The following LRPPRC variants were observed in gnomAD, a reference collection of about 807,000 sequenced individuals.
LRPPRC encodes leucine rich pentatricopeptide repeat containing.
LRPPRC carries 120 observed loss-of-function variants against 180.3 expected under a neutral mutation model. The observed-to-expected ratio is 0.67, with a 90% confidence interval of 0.57 to 0.77. The LOEUF is 0.77. Among genes scored for constraint, LRPPRC ranks in the 30% least tolerant of loss-of-function variants. The probability of loss-of-function intolerance (pLI) is 0.00; values close to 1 mark genes in which losing one functional copy is unlikely to be tolerated. For synonymous variants in LRPPRC, 723 were observed against 600.0 expected, an observed-to-expected ratio of 1.21 and a Z score of -3.00; for missense variants, 2,012 against 1,657.2, an observed-to-expected ratio of 1.21 and a Z score of -3.72.
chr2:43,938,879 C>G (rs950896097), intron 23 of LRPPRC, among the ~76,000 whole-genome samples: 2 of 148,144 alleles, frequency 1.4e-5, no homozygotes, highest in Non-Finnish European at 3.0e-5. Context: ...TTAAAACAAC[C>G]ACGAGTGACA....
At position 43,963,706 on chromosome 2, in the gene LRPPRC, C is replaced by A. The variant is rs1020708693; in HGVS notation, c.1370G>T (p.Gly457Val). The A allele has an allele frequency of 6.2e-6, 9 of 1,442,196 alleles. No individual in the cohort carries two copies. Among genetic ancestry groups the A allele is most frequent in the Middle Eastern group, 1.7e-4 (1 of 5,766 alleles). The allele number at this position is 1,442,196 out of a possible 1,614,324, so 89.3% of individuals were successfully genotyped here. The change falls in exon 12 of 38, where the codon GGT (glycine) becomes GTT (valine). Residue 457 changes from glycine (G) to valine (V), a missense_variant and splice_region_variant. Gly to Val is a moderately radical substitution (Grantham distance 109, BLOSUM62 -3). Transcript: ENST00000260665. ...CATTCCTTTGAGGATTTCAATTATA[C>A]CTACCAAATAAAATGTAGAAGCACA... ...VGRRKEKNVQ[G>V]IIEILKGMQE...
rs150044060 is a variant in LRPPRC at position 43,974,219 on chromosome 2, G to A, written c.1086C>T (p.Pro362=). The A allele has an allele frequency of 1.2e-5, 19 of 1,610,562 alleles. No homozygotes were observed. The highest frequency in any genetic ancestry group is 1.6e-4 in the Middle Eastern group (1 of 6,078). ...DVALQILLAC[P]VSKEDGPSVF... ...CACTTGGGCCATCTTCCTTTGATAC[G>A]GGGCATGCTAGTAAAATTTGCAACG... The change falls in exon 9 of 38, where the codon CCC becomes CCT. Residue 362 remains proline, a synonymous_variant. Coordinates refer to ENST00000260665, the MANE Select transcript of LRPPRC (RefSeq NM_133259.4).
rs1288066344 is a variant in LRPPRC, at chr2:43,886,351, T to C, written c.*2249A>G. Among the ~76,000 whole-genome samples, 1 of 152,206 alleles carries C rather than the reference T, an allele frequency of 6.6e-6. No individual in the cohort carries two copies. Among genetic ancestry groups the C allele is most frequent in the Non-Finnish European group, 1.5e-5 (1 of 68,046 alleles). ...TTTACAGTGACATCTTTTTTAGAAT[T>C]AGCTGCTTATAATTTGAGTGTAAAT... On this transcript the variant is annotated 3_prime_UTR_variant, in exon 38 of 38. Transcript: ENST00000260665.
At chr2:43,952,879 G>A (rs2103632871) in intron 14 of LRPPRC, among the ~76,000 whole-genome samples, 1 of 152,226 alleles carries the variant, frequency 6.6e-6, no homozygotes, top group African/African-American at 2.4e-5. Flanking sequence ...TTGAATATCT[G>A]TCAATCTTAA....
intron 1 of LRPPRC, among the ~76,000 whole-genome samples, chr2:43,991,154 C>T (rs546350294): frequency 1.6e-4 from 24 of 152,062 alleles, no homozygotes; most frequent in Non-Finnish European, 2.9e-4. Context: ...CTCAGCCTCC[C>T]GAGTAGCTGG....
In LRPPRC at chr2:43,973,902, T is replaced by C. The variant is rs1446589532; in HGVS notation, c.1156-2A>G. ...GTAGTCTGTTAGCTTCTCCACAGGC[T>C]GTGGGAAAAAAGTCACCACATTAGC... On this transcript the variant is annotated splice_acceptor_variant, in intron 9 of 37. Coordinates refer to ENST00000260665, the MANE Select transcript of LRPPRC (RefSeq NM_133259.4). LOFTEE classifies it high-confidence loss of function. 1 of 1,587,002 alleles carries C rather than the reference T, an allele frequency of 6.3e-7. No individual in the cohort carries two copies. The highest frequency in any genetic ancestry group is 2.2e-5 in the East Asian group (1 of 44,726).
chr2:43,990,322 T>C (rs1226874812), intron 1 of LRPPRC, among the ~76,000 whole-genome samples: 1 of 152,210 alleles, frequency 6.6e-6, no homozygotes, highest in Non-Finnish European at 1.5e-5. Flanking sequence ...ACCAATCTTC[T>C]GTTCTCTTTC....
In LRPPRC at chr2:43,945,186, T is replaced by A. The variant is rs563282990; in HGVS notation, c.2296+146A>T. On this transcript the variant is annotated intron_variant, in intron 22 of 37. Transcript: ENST00000260665. ...TAAAACTAATGGCCTACACTGTCCA[T>A]GTAGCTCTGGTTGGATTCACATGCA... is the stretch of plus-strand genomic sequence containing the variant. 7.3e-4 allele frequency: 479 copies of A among 656,214 alleles called. 2 individuals are homozygous for A. Among genetic ancestry groups the A allele is most frequent in the Middle Eastern group, 3.5e-3 (13 of 3,706 alleles). The allele number at this position is 656,214 out of a possible 1,614,324, so 40.6% of individuals were successfully genotyped here.
intron 1 of LRPPRC, among the ~76,000 whole-genome samples, chr2:43,993,729 T>G (rs1402874408): frequency 8.4e-6 from 1 of 119,664 alleles, no homozygotes; most frequent in Non-Finnish European, 1.8e-5. Context: ...TAGCTTACCT[T>G]CTACTAAAGA....
At chr2:43,949,547 T>A in intron 16 of LRPPRC, 55 bp downstream of exon 16, 1 of 1,349,286 alleles carries the variant, frequency 7.4e-7, no homozygotes, top group Non-Finnish European at 1.1e-6. Flanking sequence ...AACCCATCAT[T>A]ACACAGAAAA....
chr2:43,928,124 G>A (rs1671955050), intron 25 of LRPPRC, among the ~76,000 whole-genome samples: 3 of 152,166 alleles, frequency 2.0e-5, no homozygotes, highest in South Asian at 4.1e-4. Context: ...TATTTTTATA[G>A]AAACAATTGC....
intron 11 of LRPPRC, 21 bp from the exon 12 acceptor site, chr2:43,963,727 G>A (rs767682591): frequency 4.2e-6 from 5 of 1,203,722 alleles, no homozygotes; most frequent in Non-Finnish European, 1.2e-6. Context: ...AAATGTAGAA[G>A]CACAGAGATA....
intron 27 of LRPPRC, among the ~76,000 whole-genome samples, chr2:43,921,774 G>C (rs922475688): frequency 2.6e-5 from 4 of 152,004 alleles, no homozygotes; most frequent in Admixed American, 1.3e-4. Context: ...AATGGAGGAG[G>C]AAAAAGCCAT....
At position 43,963,819 on chromosome 2, in the gene LRPPRC, C is replaced by A. The variant is rs1673451056; in HGVS notation, c.1370-113G>T. On this transcript the variant is annotated intron_variant, in intron 11 of 37. Coordinates refer to ENST00000260665, the MANE Select transcript of LRPPRC (RefSeq NM_133259.4). ...ATCACAGTATAAGAAAATTACTCAG[C>A]AATTCGTTTGTCTAAAAGGCAGAAA... 8 of 764,772 alleles carry A rather than the reference C, an allele frequency of 1.0e-5. 1 individual carries two copies. The highest frequency in any genetic ancestry group is 6.9e-4 in the Middle Eastern group (2 of 2,908). The allele number at this position is 764,772 out of a possible 1,614,324, so 47.4% of individuals were successfully genotyped here. A position where few individuals can be genotyped will look rare whatever the true frequency, so the allele number is the denominator to read the frequency against.
chr2:43,949,511 A>G, intron 16 of LRPPRC, 91 bp downstream of exon 16: 1 of 882,844 alleles, frequency 1.1e-6, no homozygotes, highest in Non-Finnish European at 1.9e-6. Context: ...TTTAAAAAAT[A>G]AAGTATTTAC....
chr2:43,928,738 G>C (rs1304529448), intron 25 of LRPPRC, among the ~76,000 whole-genome samples: 1 of 151,698 alleles, frequency 6.6e-6, no homozygotes, highest in Admixed American at 6.6e-5. Flanking sequence ...CTCCAGTCTG[G>C]GCAACACAGT....
At chr2:43,980,620 G>A (rs1244434605) in intron 2 of LRPPRC, among the ~76,000 whole-genome samples, 1 of 150,622 alleles carries the variant, frequency 6.6e-6, no homozygotes, top group East Asian at 1.9e-4. Flanking sequence ...ATACTGTAAA[G>A]CAGTGTAATT....
intron 32 of LRPPRC, 141 bp from the exon 33 acceptor site, chr2:43,899,746 A>G (rs1267874831): frequency 9.5e-6 from 6 of 630,818 alleles, no homozygotes; most frequent in Non-Finnish European, 1.7e-5. Flanking sequence ...TAACCAAATA[A>G]ACACTAGGCA....
intron 36 of LRPPRC, among the ~76,000 whole-genome samples, chr2:43,894,193 T>C (rs1361370862): frequency 6.6e-6 from 1 of 152,038 alleles, no homozygotes; most frequent in Non-Finnish European, 1.5e-5. Context: ...TTGTTTCAGG[T>C]GGCAGGCCCT....
Sources: allele counts gnomAD v4.1 joint callset (sites outside exome capture counted in the v4.1 genomes callset), GRCh38; gene constraint gnomAD v4.1.1; transcripts MANE v1.5; gene names NCBI Gene and HGNC (gene_info 2026-07-23, HGNC 2026-07-21).